PCGF3: variants seen among roughly 807,000 people sequenced by gnomAD.
PCGF3 encodes polycomb group ring finger 3.
In PCGF3, 7 loss-of-function variants were observed where a neutral mutation model predicts 33.1. The observed-to-expected ratio is 0.21, with a 90% CI of 0.12 to 0.40. The LOEUF (loss-of-function observed/expected upper bound fraction) is 0.40, where lower values mean the gene tolerates loss of function less well. Ranked by LOEUF, PCGF3 falls within the 10% of genes least tolerant of loss-of-function variation. The pLI, the probability that PCGF3 is intolerant of heterozygous loss-of-function variation, is 1.00. For missense variants in PCGF3, 211 were observed against 313.3 expected (o/e 0.67, Z 2.46); for synonymous variants, 153 against 121.3 (o/e 1.26, Z -1.72).
chr4:760,096 A>G (rs1336953280), intron 8 of PCGF3, among the ~76,000 whole-genome samples: 1 of 152,124 alleles, frequency 6.6e-6, no homozygotes, highest in Non-Finnish European at 1.5e-5. Context: ...GAATCCACTT[A>G]TCTCCCCAGT....
chr4:714,734 C>T (rs181355902), intron 1 of PCGF3, among the ~76,000 whole-genome samples: 3 of 152,232 alleles, frequency 2.0e-5, no homozygotes, highest in Non-Finnish European at 4.4e-5. Context: ...TAGGCCCTGA[C>T]GTCCTCTTCA....
chr4:727,486 A>G (rs1743380758), intron 1 of PCGF3, among the ~76,000 whole-genome samples: 1 of 151,914 alleles, frequency 6.6e-6, no homozygotes, highest in Non-Finnish European at 1.5e-5. Context: ...ATGATCTGCC[A>G]GCCTCGGCCT....
chr4:743,031 C>T (rs1744160515), intron 6 of PCGF3, among the ~76,000 whole-genome samples: 2 of 152,234 alleles, frequency 1.3e-5, no homozygotes, highest in South Asian at 2.1e-4. Flanking sequence ...GCAGGTTCAT[C>T]TCTGAGCTGC....
intron 1 of PCGF3, among the ~76,000 whole-genome samples, chr4:716,760 A>G (rs1184587315): frequency 7.9e-5 from 7 of 88,258 alleles, no homozygotes; most frequent in Admixed American, 2.5e-4. Flanking sequence ...GGGACCCTGT[A>G]GATACTGTGA....
At chr4:710,930 A>G (rs1467218402) in intron 1 of PCGF3, among the ~76,000 whole-genome samples, 1 of 152,208 alleles carries the variant, frequency 6.6e-6, no homozygotes, top group Non-Finnish European at 1.5e-5. Context: ...TATGGGGGAA[A>G]TGTTTTTACC....
chr4:760,923 C>T (rs959321905), intron 8 of PCGF3, among the ~76,000 whole-genome samples: 3 of 152,238 alleles, frequency 2.0e-5, no homozygotes, highest in Non-Finnish European at 4.4e-5. Context: ...TTCGCAGACA[C>T]GGGGCCGCCC....
chr4:761,211 T>G, intron 8 of PCGF3, 68 bp from the exon 9 acceptor site: 1 of 1,374,578 alleles, frequency 7.3e-7, no homozygotes, highest in African/African-American at 1.5e-5. Flanking sequence ...GAAATATGTC[T>G]AAGGAAGCCT....
chr4:735,538 C>T (rs1577415803), intron 5 of PCGF3, among the ~76,000 whole-genome samples: 1 of 65,728 alleles, frequency 1.5e-5, no homozygotes, highest in Non-Finnish European at 3.4e-5. Flanking sequence ...GAGCGAGACT[C>T]TGTCTCAAAG....
intron 1 of PCGF3, among the ~76,000 whole-genome samples, chr4:709,055 G>T (rs529246128): frequency 6.6e-6 from 1 of 152,160 alleles, no homozygotes; most frequent in Non-Finnish European, 1.5e-5. Context: ...ATTCAGAAGC[G>T]AGCGGTCTAT....
intron 4 of PCGF3, 95 bp downstream of exon 4, chr4:733,884 C>T (rs1169140823): frequency 5.6e-6 from 9 of 1,599,966 alleles, no homozygotes; most frequent in Admixed American, 1.7e-5. Flanking sequence ...ACGCTTTTAG[C>T]TCAAGCCCGA....
At chr4:768,011 A>T (rs899099486) in exon 11 of PCGF3, 8 of 152,716 alleles carry the variant, frequency 5.2e-5, no homozygotes, top group African/African-American at 1.9e-4. Flanking sequence ...AAATAAAATT[A>T]AATCACAGTT....
chr4:753,675 C>T (rs558200650), intron 8 of PCGF3, among the ~76,000 whole-genome samples: 82 of 150,762 alleles, frequency 5.4e-4, no homozygotes, highest in South Asian at 5.0e-3. Context: ...GGACCAGGCA[C>T]GGTGGCTCAC....
intron 1 of PCGF3, among the ~76,000 whole-genome samples, chr4:725,995 A>C (rs754255844): frequency 2.6e-5 from 4 of 151,994 alleles, no homozygotes; most frequent in African/African-American, 9.7e-5. Flanking sequence ...CTTCCGAGCC[A>C]TGGTTAGGAT....
chr4:744,430 A>G (rs1446690311), intron 7 of PCGF3, among the ~76,000 whole-genome samples, 170 bp from the exon 8 acceptor site: 1 of 151,896 alleles, frequency 6.6e-6, no homozygotes, highest in Non-Finnish European at 1.5e-5. Context: ...TCCTGGGGAG[A>G]CCCCTGCAGA....
At chr4:764,280 G>C (rs1745235457) in intron 9 of PCGF3, among the ~76,000 whole-genome samples, 1 of 152,220 alleles carries the variant, frequency 6.6e-6, no homozygotes, top group Non-Finnish European at 1.5e-5. Flanking sequence ...ACCTTAAATT[G>C]TTCTTTAAAA....
intron 1 of PCGF3, among the ~76,000 whole-genome samples, chr4:727,233 C>CTTGTTTTTTT (rs1743367246): frequency 4.8e-5 from 3 of 61,890 alleles, no homozygotes; most frequent in Non-Finnish European, 8.7e-5. Context: ...TAGCGAGCGT[C>CTTGTTTTTTT]TTTTTTTTTT....
chr4:760,184 C>A (rs982477839), intron 8 of PCGF3, among the ~76,000 whole-genome samples: 1 of 152,198 alleles, frequency 6.6e-6, no homozygotes, highest in African/African-American at 2.4e-5. Context: ...ATTTTGGATT[C>A]TTTTGCTTCC....
chr4:711,443 C>CTTTTTT lies in PCGF3; in HGVS notation c.-190+5478_-190+5483dup, dbSNP rs201359627. On this transcript the variant is annotated intron_variant, in intron 1 of 10. Coordinates refer to ENST00000362003, the Ensembl canonical transcript of PCGF3. ...AATTGAAGTTGAAAATGTAATTTTT[C>CTTTTTT]TTTTTTTTTTCTTTTTTTTTTTTTT... Among the ~76,000 whole-genome samples, 68 of 122,916 alleles carry CTTTTTT rather than the reference C, an allele frequency of 5.5e-4. 2 individuals carry two copies. Among genetic ancestry groups the CTTTTTT allele is most frequent in the African/African-American group, 9.4e-4 (33 of 35,190 alleles). The allele number at this position is 122,916 out of a possible 152,430, so 80.6% of individuals were successfully genotyped here.
chr4:725,293 G>A (rs1331177351), intron 1 of PCGF3: 1 of 152,940 alleles, frequency 6.5e-6, no homozygotes, highest in African/African-American at 2.4e-5. Context: ...GACAATCGTG[G>A]GAAGTTCTGT....
Sources: gnomAD v4.1 joint callset for allele counts (sites outside exome capture counted in the v4.1 genomes callset) on GRCh38, gnomAD v4.1.1 for gene constraint, MANE v1.5 for transcripts, NCBI Gene and HGNC (gene_info 2026-07-23, HGNC 2026-07-21) for gene names.